Variants in MSI2 observed in about 807,000 individuals in gnomAD.
MSI2 encodes RNA-binding protein Musashi homolog 2.
A neutral mutation model predicts 45.6 loss-of-function variants in MSI2; 17 were observed. That is an observed-to-expected ratio of 0.37 (90% CI 0.26 to 0.56). The LOEUF (loss-of-function observed/expected upper bound fraction) is 0.56, where lower values mean the gene tolerates loss of function less well. Ranked by LOEUF, MSI2 falls within the 20% of genes least tolerant of loss-of-function variation. The probability of loss-of-function intolerance (pLI) is 0.77; values close to 1 mark genes in which losing one functional copy is unlikely to be tolerated. For missense variants in MSI2, 293 were observed against 444.2 expected (o/e 0.66, Z 3.06); for synonymous variants, 156 against 158.2 (o/e 0.99, Z 0.11).
intron 5 of MSI2, chr17:57,262,460 TGCAA>T (rs1907405364): frequency 2.5e-6 from 1 of 401,606 alleles, no homozygotes; most frequent in Non-Finnish European, 4.4e-6. Flanking sequence ...CAGTATTTTT[TGCAA>T]GGATTCTATT....
intron 11 of MSI2, among the ~76,000 whole-genome samples, chr17:57,655,166 C>G (rs1349554918): frequency 6.6e-6 from 1 of 152,090 alleles, no homozygotes; most frequent in Non-Finnish European, 1.5e-5. Flanking sequence ...GTGAGCAGGG[C>G]TCAGGGGACC....
chr17:57,332,363 A>C (rs1390703129), intron 5 of MSI2, among the ~76,000 whole-genome samples: 4 of 152,158 alleles, frequency 2.6e-5, no homozygotes, highest in African/African-American at 9.7e-5. Flanking sequence ...AGTCTCCCAA[A>C]GTGCTGGGGT....
chr17:57,627,324 G>C lies in MSI2; in HGVS notation c.727+21G>C. 1 of 1,613,032 alleles carries C rather than the reference G, an allele frequency of 6.2e-7. No individual in the cohort carries two copies. ...CCCAGGTGAGTGGCTTGGTCTCCCA[G>C]GGCTTTGGAAGCACAAGAGGTGGGC... is the stretch of plus-strand genomic sequence containing the variant. On this transcript the variant is annotated intron_variant, in intron 10 of 13. Transcript: ENST00000284073. This position sits in a 1 kb window ranked among gnomAD's most constrained non-coding sequence, Gnocchi z 4.6.
intron 7 of MSI2, among the ~76,000 whole-genome samples, chr17:57,589,853 A>G (rs2144413175): frequency 6.6e-6 from 1 of 152,342 alleles, no homozygotes; most frequent in East Asian, 1.9e-4. Flanking sequence ...GCACTTGAGC[A>G]CAATGACAGT....
intron 11 of MSI2, among the ~76,000 whole-genome samples, chr17:57,659,772 C>T (rs528712908): frequency 1.3e-5 from 2 of 152,172 alleles, no homozygotes; most frequent in East Asian, 3.9e-4. Flanking sequence ...TAGGGACAGC[C>T]CAAGTAGCCT....
intron 5 of MSI2, among the ~76,000 whole-genome samples, chr17:57,344,535 T>C (rs1376246440): frequency 2.0e-5 from 3 of 152,212 alleles, no homozygotes; most frequent in Non-Finnish European, 2.9e-5. Flanking sequence ...GTAGTGGGGA[T>C]TGCATTTAGA....
intron 6 of MSI2, among the ~76,000 whole-genome samples, chr17:57,510,830 A>C (rs1468146110): frequency 1.3e-5 from 2 of 152,198 alleles, no homozygotes; most frequent in Admixed American, 1.3e-4. Context: ...CTTATGGCAC[A>C]TTTTTGTGTT....
At chr17:57,689,617 A>G (rs1382786261), downstream of MSI2, among the ~76,000 whole-genome samples, 2 of 152,174 alleles carry the variant, frequency 1.3e-5, no homozygotes, top group Admixed American at 6.5e-5. Context: ...TATACTATAC[A>G]CCTGTTTAAC....
chr17:57,683,119 A>T lies in MSI2; in HGVS notation c.*3602A>T. The T allele has an allele frequency of 4.4e-6, 1 of 229,722 alleles. No individual in the cohort carries two copies. The highest frequency in any genetic ancestry group is 8.6e-6 in the Non-Finnish European group (1 of 115,882). 14.2% of individuals were successfully genotyped at this position (229,722 alleles called of 1,614,324 possible). A position where few individuals can be genotyped will look rare whatever the true frequency, so the allele number is the denominator to read the frequency against. ...TTTATCCTTCATAACCTTCATCTTA[A>T]TTTGAACTTGTAGCTTGGACTTTAA... is the stretch of plus-strand genomic sequence containing the variant. On this transcript the variant is annotated 3_prime_UTR_variant, in exon 14 of 14. Coordinates refer to ENST00000284073, the MANE Select transcript of MSI2 (RefSeq NM_138962.4). This position sits in a 1 kb window ranked among gnomAD's most constrained non-coding sequence, Gnocchi z 5.2.
At chr17:57,686,824 C>CTCT (rs2144779532), downstream of MSI2, among the ~76,000 whole-genome samples, 1 of 152,234 alleles carries the variant, frequency 6.6e-6, no homozygotes, top group African/African-American at 2.4e-5. Flanking sequence ...TAATATACCT[C>CTCT]TCTTAGAACT....
At chr17:57,470,553 C>T (rs2085415440) in intron 6 of MSI2, among the ~76,000 whole-genome samples, 1 of 152,222 alleles carries the variant, frequency 6.6e-6, no homozygotes, top group South Asian at 2.1e-4. Context: ...GCTGGGGTTA[C>T]AGGCATAAGC....
intron 8 of MSI2, among the ~76,000 whole-genome samples, chr17:57,602,390 T>C (rs1905991777): frequency 6.6e-6 from 1 of 152,060 alleles, no homozygotes; most frequent in African/African-American, 2.4e-5. Context: ...TCTCATTCTG[T>C]CACCCAGGCT....
the MSI2 span, among the ~76,000 whole-genome samples, chr17:57,695,274 C>G: frequency 1.3e-5 from 2 of 152,296 alleles, no homozygotes; most frequent in Non-Finnish European, 2.9e-5. Flanking sequence ...AGTCCCAGGC[C>G]TGCTTCTATT....
intron 5 of MSI2, among the ~76,000 whole-genome samples, chr17:57,270,740 A>G (rs1333293223): frequency 6.6e-6 from 1 of 152,164 alleles, no homozygotes; most frequent in Admixed American, 6.6e-5. Context: ...TGTTGTGGGT[A>G]CAGTATAAGC....
intron 7 of MSI2, among the ~76,000 whole-genome samples, chr17:57,576,690 G>A (rs1892256887): frequency 6.6e-6 from 1 of 151,114 alleles, no homozygotes; most frequent in Non-Finnish European, 1.5e-5. Context: ...GGAGGTGGAG[G>A]TTACAGTGAG....
intron 7 of MSI2, among the ~76,000 whole-genome samples, chr17:57,556,612 G>A (rs1377714412): frequency 6.6e-6 from 1 of 152,194 alleles, no homozygotes; most frequent in Admixed American, 6.5e-5. Flanking sequence ...TCATAGGATT[G>A]TTTTGCAAGT....
At chr17:57,451,646 G>A (rs1327269700) in intron 6 of MSI2, among the ~76,000 whole-genome samples, 1 of 152,198 alleles carries the variant, frequency 6.6e-6, no homozygotes, top group Non-Finnish European at 1.5e-5. Flanking sequence ...TCTGCTCTGA[G>A]GCCAGCTGAG....
At chr17:57,544,087 G>T (rs539528310) in intron 7 of MSI2, among the ~76,000 whole-genome samples, 2 of 151,816 alleles carry the variant, frequency 1.3e-5, no homozygotes, top group South Asian at 4.2e-4. Flanking sequence ...GTGTATGTGC[G>T]TGTGAGTGTT....
At chr17:57,585,646 G>C (rs1470672357) in intron 7 of MSI2, among the ~76,000 whole-genome samples, 1 of 152,228 alleles carries the variant, frequency 6.6e-6, no homozygotes, top group Non-Finnish European at 1.5e-5. Flanking sequence ...ATGAACGTGA[G>C]AGAAGGTGAC....
Sources: allele counts gnomAD v4.1 joint callset (sites outside exome capture counted in the v4.1 genomes callset), GRCh38; gene constraint gnomAD v4.1.1; non-coding constraint Gnocchi (gnomAD v3.1); transcripts MANE v1.5; gene names NCBI Gene and HGNC (gene_info 2026-07-23, HGNC 2026-07-21).